The following BABAM2 variants were observed in gnomAD, a reference collection of about 807,000 sequenced individuals.
BABAM2 encodes the protein BRISC and BRCA1-A complex member 2.
Under a neutral mutation model 54.7 loss-of-function variants are expected in BABAM2, and 31 were observed. The ratio of observed to expected loss-of-function variants is 0.57; its 90% CI spans 0.43 to 0.77. BABAM2 has a LOEUF of 0.77. Ranked by LOEUF, BABAM2 falls within the 30% of genes least tolerant of loss-of-function variation. The pLI, the probability that BABAM2 is intolerant of heterozygous loss-of-function variation, is 0.00. For missense variants in BABAM2, 364 were observed against 455.8 expected (o/e 0.80, Z 1.83); for synonymous variants, 167 against 162.9 (o/e 1.03, Z -0.19).
chr2:28,295,389 A>G (rs1394964017), intron 10 of BABAM2, among the ~76,000 whole-genome samples: 2 of 152,062 alleles, frequency 1.3e-5, no homozygotes, highest in Non-Finnish European at 2.9e-5. Context: ...GGAAGCTCTC[A>G]TGGTACTTTT....
intron 5 of BABAM2, among the ~76,000 whole-genome samples, chr2:28,036,721 A>C (rs1676689896): frequency 6.6e-6 from 1 of 152,222 alleles, no homozygotes; most frequent in Non-Finnish European, 1.5e-5. Context: ...AGGTTTCATG[A>C]GATCCCTCAT....
At chr2:28,158,849 T>C (rs990092419) in intron 7 of BABAM2, among the ~76,000 whole-genome samples, 2 of 152,176 alleles carry the variant, frequency 1.3e-5, no homozygotes, top group South Asian at 2.1e-4. Context: ...GTTGGCAGAG[T>C]AGGAAATTTT....
intron 2 of BABAM2, among the ~76,000 whole-genome samples, chr2:27,916,936 T>G (rs17006367): frequency 0.011 from 1,651 of 152,246 alleles, 35 homozygotes; most frequent in African/African-American, 0.037. Flanking sequence ...TTTCATAGTT[T>G]GATTTTTGTC....
chr2:27,937,578 A>C (rs535730731), intron 3 of BABAM2, among the ~76,000 whole-genome samples: 1 of 152,292 alleles, frequency 6.6e-6, no homozygotes, highest in South Asian at 2.1e-4. Flanking sequence ...GTGATGTTGA[A>C]CATTTTTTCA....
intron 4 of BABAM2, among the ~76,000 whole-genome samples, chr2:28,005,376 A>G (rs978916556): frequency 6.6e-6 from 1 of 152,098 alleles, no homozygotes; most frequent in African/African-American, 2.4e-5. Flanking sequence ...CTTTAAGTCC[A>G]TTTCTTATGT....
At chr2:28,103,796 G>A (rs1224371416) in intron 6 of BABAM2, among the ~76,000 whole-genome samples, 1 of 152,156 alleles carries the variant, frequency 6.6e-6, no homozygotes, top group African/African-American at 2.4e-5. Flanking sequence ...TACCAAGTGA[G>A]ACATTAGAAA....
At chr2:28,210,059 C>T (rs1230252277) in intron 7 of BABAM2, among the ~76,000 whole-genome samples, 2 of 152,170 alleles carry the variant, frequency 1.3e-5, no homozygotes, top group African/African-American at 4.8e-5. Context: ...GCACTTCCTT[C>T]CTTGAATGTA....
intron 5 of BABAM2, among the ~76,000 whole-genome samples, chr2:28,036,847 C>T (rs1437196345): frequency 6.6e-6 from 1 of 152,182 alleles, no homozygotes; most frequent in Non-Finnish European, 1.5e-5. Context: ...ATATCTCTGT[C>T]AAAACACTTA....
intron 6 of BABAM2, among the ~76,000 whole-genome samples, chr2:28,064,842 A>G (rs1168985170): frequency 6.6e-6 from 1 of 152,124 alleles, no homozygotes; most frequent in East Asian, 1.9e-4. Flanking sequence ...TCTCTACTAA[A>G]GAATACAAAA....
At chr2:27,914,719 T>C (rs1043908672) in intron 2 of BABAM2, among the ~76,000 whole-genome samples, 17 of 152,212 alleles carry the variant, frequency 1.1e-4, no homozygotes, top group African/African-American at 3.6e-4. Flanking sequence ...GGAACAAAAG[T>C]ACACGTCATG....
At chr2:28,237,437 C>G (rs1682016270) in intron 8 of BABAM2, 136 bp downstream of exon 8, 1 of 699,324 alleles carries the variant, frequency 1.4e-6, no homozygotes, top group South Asian at 1.7e-5. Flanking sequence ...ACCTGCCCTT[C>G]CTACTGTGAA....
chr2:28,290,221 A>T (rs1002819387), intron 10 of BABAM2, among the ~76,000 whole-genome samples: 4 of 152,202 alleles, frequency 2.6e-5, no homozygotes, highest in Non-Finnish European at 5.9e-5. Flanking sequence ...CAATGTATTT[A>T]TCCGGTCTCC....
chr2:28,242,276 G>A (rs1202655768), intron 9 of BABAM2, among the ~76,000 whole-genome samples: 7 of 152,150 alleles, frequency 4.6e-5, no homozygotes, highest in Non-Finnish European at 7.3e-5. Flanking sequence ...TTGAGGTTAG[G>A]AGTTGAAAGC....
intron 6 of BABAM2, among the ~76,000 whole-genome samples, chr2:28,099,675 T>C (rs1261238612): frequency 6.6e-6 from 1 of 152,236 alleles, no homozygotes; most frequent in Non-Finnish European, 1.5e-5. Context: ...AGACTATATT[T>C]GCCTTATGAG....
At chr2:28,074,169 G>T (rs1053261841) in intron 6 of BABAM2, among the ~76,000 whole-genome samples, 3 of 152,144 alleles carry the variant, frequency 2.0e-5, no homozygotes, top group Non-Finnish European at 2.9e-5. Flanking sequence ...AGGAATTGGG[G>T]TAGTGGACAA....
intron 3 of BABAM2, among the ~76,000 whole-genome samples, chr2:27,964,937 A>T (rs1005076423): frequency 1.3e-5 from 2 of 152,224 alleles, no homozygotes; most frequent in Non-Finnish European, 2.9e-5. Context: ...GTCCTCTAAT[A>T]TAAGGAACTG....
chr2:28,163,148 G>A (rs1314585131), intron 7 of BABAM2, among the ~76,000 whole-genome samples: 10 of 151,964 alleles, frequency 6.6e-5, no homozygotes, highest in South Asian at 2.1e-4. Context: ...ATCTTTTGTG[G>A]CCAGCCTAGT....
intron 11 of BABAM2, among the ~76,000 whole-genome samples, chr2:28,314,670 C>T (rs1048156309): frequency 6.6e-6 from 1 of 152,306 alleles, no homozygotes; most frequent in African/African-American, 2.4e-5. Flanking sequence ...AAGATACAGT[C>T]CCTGCTTTCG....
chr2:28,232,851 T>C (rs1681543714), intron 7 of BABAM2, among the ~76,000 whole-genome samples: 1 of 152,178 alleles, frequency 6.6e-6, no homozygotes, highest in Non-Finnish European at 1.5e-5. Flanking sequence ...TTAGTTTCAT[T>C]TGCATGGAAA....
Sources: allele counts gnomAD v4.1 joint callset (sites outside exome capture counted in the v4.1 genomes callset), GRCh38; gene constraint gnomAD v4.1.1; transcripts MANE v1.5; gene names NCBI Gene and HGNC (gene_info 2026-07-23, HGNC 2026-07-21).